SCEL: variants seen among roughly 807,000 people sequenced by gnomAD.
SCEL encodes the protein sciellin.
Under a neutral mutation model 117.6 loss-of-function variants are expected in SCEL, and 113 were observed. That is an observed-to-expected ratio of 0.96 (90% confidence interval 0.83 to 1.12). The LOEUF is 1.12. Among genes scored for constraint, SCEL ranks in the 50% most tolerant of loss-of-function variants. The pLI, the probability that SCEL is intolerant of heterozygous loss-of-function variation, is 0.00. For synonymous variants in SCEL, 270 were observed against 256.2 expected (o/e 1.05, Z -0.51); for missense variants, 785 against 810.8 (o/e 0.97, Z 0.39).
At position 77,604,340 on chromosome 13, in the gene SCEL, A is replaced by G; in HGVS notation, c.1098-16A>G. 6.8e-7 allele frequency: 1 copy of G among 1,480,936 alleles called. No individual in the cohort carries two copies. Among genetic ancestry groups the G allele is most frequent in the Non-Finnish European group, 9.2e-7 (1 of 1,088,994 alleles). The allele number at this position is 1,480,936 out of a possible 1,614,324, so 91.7% of individuals were successfully genotyped here. A position where few individuals can be genotyped will look rare whatever the true frequency, so the allele number is the denominator to read the frequency against. On this transcript the variant is annotated splice_polypyrimidine_tract_variant and intron_variant, in intron 18 of 32. Transcript: ENST00000349847. ...ACTTTAACATCATTCATTAAAATTA[A>G]TTTCCTTTTTCAAAGAAAAAAAGAC... is the stretch of plus-strand genomic sequence containing the variant.
chr13:77,603,868 C>T (rs1035963289), intron 18 of SCEL, among the ~76,000 whole-genome samples: 27 of 152,072 alleles, frequency 1.8e-4, no homozygotes, highest in African/African-American at 5.6e-4. Flanking sequence ...TGAAAGCATA[C>T]GTTCTTATTC....
chr13:77,618,190 TTTCCTTCC>T (rs888737488), intron 27 of SCEL, 130 bp downstream of exon 27: 4 of 738,176 alleles, frequency 5.4e-6, no homozygotes, highest in Non-Finnish European at 7.2e-6. Context: ...TTTTTCTTTC[TTTCCTTCC>T]TTCCTTCCAT....
chr13:77,635,097 G>A (rs1220990175), intron 29 of SCEL, among the ~76,000 whole-genome samples: 1 of 152,208 alleles, frequency 6.6e-6, no homozygotes, highest in Non-Finnish European at 1.5e-5. Flanking sequence ...AGGTCTAAGA[G>A]AAGAGTATTC....
At chr13:77,609,174 A>T in intron 21 of SCEL, 57 bp downstream of exon 21, 1 of 1,311,642 alleles carries the variant, frequency 7.6e-7, no homozygotes, top group Non-Finnish European at 1.1e-6. Context: ...TAAAAGTATA[A>T]TTAAAGCATC....
chr13:77,572,159 A>C lies in SCEL; in HGVS notation c.515A>C (p.Asn172Thr). ...SWFPPPPPGYNASSSTGTRRR... is the reference protein window; with the variant it reads ...SWFPPPPPGYTASSSTGTRRR... ...TTTCCACCGCCCCCTCCAGGTTACA[A>C]TGCCTCCTCGAGCACAGGAACCAGG... Residue 172 changes from asparagine (N) to threonine (T), a missense_variant, in exon 9 of 33, where the codon AAT (asparagine) becomes ACT (threonine). By Grantham distance (65) the Asn-to-Thr change is moderately conservative (BLOSUM62 0). Transcript: ENST00000349847. 2 of 1,612,750 alleles carry C rather than the reference A, an allele frequency of 1.2e-6. 1 individual carries two copies. Among genetic ancestry groups the C allele is most frequent in the South Asian group, 2.2e-5 (2 of 90,854 alleles).
chr13:77,577,375 C>T (rs1195574685), intron 9 of SCEL, among the ~76,000 whole-genome samples: 1 of 152,102 alleles, frequency 6.6e-6, no homozygotes, highest in African/African-American at 2.4e-5. Context: ...CACAGGGTGG[C>T]AGGATGGAGT....
intron 11 of SCEL, among the ~76,000 whole-genome samples, chr13:77,593,259 AGTGTGTGTGTGTGT>A: frequency 9.0e-6 from 1 of 111,160 alleles, no homozygotes; most frequent in Middle Eastern, 4.3e-3. Flanking sequence ...AACAGAGGGG[AGTGTGTGTGTGTGT>A]GTGTGTGTGT....
intron 1 of SCEL, among the ~76,000 whole-genome samples, chr13:77,553,859 C>T (rs1199590805): frequency 3.3e-5 from 5 of 152,010 alleles, no homozygotes. Flanking sequence ...AAATAAGAGA[C>T]CTGAGCTAAT....
chr13:77,642,814 T>G lies in SCEL; in HGVS notation c.2050+6T>G, dbSNP rs1159051825. The G allele has an allele frequency of 2.0e-6, 3 of 1,493,680 alleles. No individual in the cohort carries two copies. In the African/African-American group the frequency reaches 4.2e-5, roughly 21 times the overall value. 92.5% of individuals were successfully genotyped at this position (1,493,680 alleles called of 1,614,324 possible). A position where few individuals can be genotyped will look rare whatever the true frequency, so the allele number is the denominator to read the frequency against. On this transcript the variant is annotated splice_donor_region_variant and intron_variant, in intron 32 of 32. Transcript: ENST00000349847. ...TTGCTACTCTAAAATTATGGGTAAG[T>G]GTTACACTCTAAGCATTTAACACTT... is the stretch of plus-strand genomic sequence containing the variant.
intron 27 of SCEL, 62 bp from the exon 28 acceptor site, chr13:77,627,885 G>T (rs1373003343): frequency 1.5e-6 from 1 of 658,306 alleles, no homozygotes; most frequent in Non-Finnish European, 2.4e-6. Context: ...AAATGTTTTA[G>T]CATTTTCTTA....
chr13:77,545,676 G>A (rs1046457207), intron 1 of SCEL, among the ~76,000 whole-genome samples: 11 of 152,198 alleles, frequency 7.2e-5, no homozygotes, highest in Admixed American at 5.9e-4. Flanking sequence ...TGGCTCTGGG[G>A]CCACCCAAAG....
chr13:77,569,269 G>C, intron 7 of SCEL, 102 bp from the exon 8 acceptor site: 2 of 847,328 alleles, frequency 2.4e-6, no homozygotes, highest in Non-Finnish European at 3.8e-6. Context: ...TTTATGAACA[G>C]AGAGCAGGCA....
At chr13:77,599,261 A>G (rs894996830) in intron 13 of SCEL, 68 bp from the exon 14 acceptor site, 25 of 1,114,740 alleles carry the variant, frequency 2.2e-5, no homozygotes, top group African/African-American at 1.7e-4. Context: ...AAACTGGTCT[A>G]TGTTCTTATA....
chr13:77,620,447 A>T (rs2089346645), intron 27 of SCEL, among the ~76,000 whole-genome samples: 1 of 152,226 alleles, frequency 6.6e-6, no homozygotes, highest in Non-Finnish European at 1.5e-5. Context: ...GAGTTCTTTC[A>T]TCTGACTTTG....
intron 11 of SCEL, among the ~76,000 whole-genome samples, chr13:77,593,170 G>A (rs2086974994): frequency 6.6e-6 from 1 of 152,110 alleles, no homozygotes; most frequent in South Asian, 2.1e-4. Context: ...GAACCTGGGA[G>A]CTGGCAATAC....
chr13:77,604,327 TTC>T, intron 18 of SCEL, 27 bp from the exon 19 acceptor site: 1 of 1,378,694 alleles, frequency 7.3e-7, no homozygotes, highest in Non-Finnish European at 1.0e-6. Context: ...TTTAACATCA[TTC>T]ATTAAAATTA....
intron 9 of SCEL, among the ~76,000 whole-genome samples, chr13:77,580,994 G>T (rs2086233478): frequency 1.3e-5 from 2 of 152,176 alleles, no homozygotes; most frequent in African/African-American, 4.8e-5. Context: ...ATATTTTTCT[G>T]TCTGTAACTA....
At position 77,617,641 on chromosome 13, in the gene SCEL, T is replaced by A; in HGVS notation, c.1494T>A (p.Ile498=). 3 of 1,597,546 alleles carry A rather than the reference T, an allele frequency of 1.9e-6. No homozygotes were observed. Among genetic ancestry groups the A allele is most frequent in the Non-Finnish European group, 2.6e-6 (3 of 1,170,276 alleles). ...AACTCATCAAGGTGAATCCTGAAATTTTCACAAACAACCAAAGGTAATAAA... is the reference window on the plus strand; with the variant it reads ...AACTCATCAAGGTGAATCCTGAAATATTCACAAACAACCAAAGGTAATAAA... ...LDKLIKVNPE[I]FTNNQRNQDL... Residue 498 remains isoleucine, a synonymous_variant, in exon 25 of 33, where the codon ATT becomes ATA. Coordinates refer to ENST00000349847, the MANE Select transcript of SCEL (RefSeq NM_144777.3).
At chr13:77,539,440 C>T (rs1005593588) in intron 1 of SCEL, among the ~76,000 whole-genome samples, 33 of 151,980 alleles carry the variant, frequency 2.2e-4, no homozygotes, top group South Asian at 4.2e-4. Flanking sequence ...AAGGTGAAAG[C>T]GGACCTTAAA....
Sources: allele counts gnomAD v4.1 joint callset (sites outside exome capture counted in the v4.1 genomes callset), GRCh38; gene constraint gnomAD v4.1.1; transcripts MANE v1.5; gene names NCBI Gene and HGNC (gene_info 2026-07-23, HGNC 2026-07-21).